The following TLCD2 variants were observed in gnomAD, a reference collection of about 807,000 sequenced individuals.
The protein encoded by TLCD2 is TLC domain-containing protein 2.
TLCD2 carries 12 observed loss-of-function variants against 14.0 expected under a neutral mutation model. The observed-to-expected ratio is 0.86, with a 90% confidence interval of 0.55 to 1.39. The LOEUF is 1.39. TLCD2 is among the 40% of genes most tolerant of loss of function. TLCD2 has a pLI of 0.00. For missense variants in TLCD2, 360 were observed against 346.8 expected (o/e 1.04, Z -0.30); for synonymous variants, 166 against 156.5 (o/e 1.06, Z -0.45).
chr17:1,709,717 T>TG, intron 2 of TLCD2, 87 bp downstream of exon 2: 1 of 974,512 alleles, frequency 1.0e-6, no homozygotes, highest in Non-Finnish European at 1.4e-6. Flanking sequence ...TTAACCCCCA[T>TG]GGGGGCGGGG....
rs1411407834 is a variant in TLCD2, at chr17:1,707,779, C to G, written c.786G>C (p.Leu262=). Residue 262 remains leucine, a synonymous_variant, in exon 4 of 4, where the codon CTG becomes CTC. Transcript: ENST00000330676. The stretch of plus-strand genomic sequence containing the variant: ...GGCCCATGGCTTCTCTCTAGTCTTT[C>G]AGGCTGAGAGTCGAACTGTTGCTGG... ...PVTSNSSTLS[L]KD 1 of 1,491,248 alleles carries G rather than the reference C, an allele frequency of 6.7e-7. No individual in the cohort carries two copies. Among genetic ancestry groups the G allele is most frequent in the Non-Finnish European group, 8.9e-7 (1 of 1,122,078 alleles). The allele number at this position is 1,491,248 out of a possible 1,614,324, so 92.4% of individuals were successfully genotyped here.
At position 1,707,439 on chromosome 17, in the gene TLCD2, G is replaced by A. The variant is rs1178582664; in HGVS notation, c.*331C>T. The A allele has an allele frequency of 3.3e-6, 1 of 306,278 alleles. No homozygotes were observed. The highest frequency in any genetic ancestry group is 6.0e-6 in the Non-Finnish European group (1 of 165,380). 19.0% of individuals were successfully genotyped at this position (306,278 alleles called of 1,614,324 possible). A position where few individuals can be genotyped will look rare whatever the true frequency, so the allele number is the denominator to read the frequency against. On this transcript the variant is annotated 3_prime_UTR_variant, in exon 4 of 4. Coordinates refer to ENST00000330676, the MANE Select transcript of TLCD2 (RefSeq NM_001164407.2). ...CCATCTGTCCCTGGGTTAAAGCAAA[G>A]AGCTTCTGTCTCCACTGGCAGTTTC... is the stretch of plus-strand genomic sequence containing the variant.
chr17:1,709,264 C>A lies in TLCD2; in HGVS notation c.342+235G>T, dbSNP rs1338616987. Among the ~76,000 whole-genome samples, 9 of 151,854 alleles carry A rather than the reference C, an allele frequency of 5.9e-5. No homozygotes were observed. In the East Asian group the frequency reaches 1.7e-3, roughly 29 times the overall value. On this transcript the variant is annotated intron_variant, in intron 3 of 3. Coordinates refer to ENST00000330676, the MANE Select transcript of TLCD2 (RefSeq NM_001164407.2). ...AATTACTTGGGCGTGGTGGCGGGTG[C>A]CTGTAATCCCAGCTACGTGGGAGGC... is the stretch of plus-strand genomic sequence containing the variant.
In TLCD2 at chr17:1,706,769, G is replaced by A. The variant is rs1312086470; in HGVS notation, c.*1001C>T. On this transcript the variant is annotated 3_prime_UTR_variant, in exon 4 of 4. Transcript: ENST00000330676. Reference sequence around the variant, plus strand: ...ATCCTGGGCAACAGAGCAAGAACTTGTCTCAAAAAAAAAAAAAAAAAAAGA... The same window carrying A: ...ATCCTGGGCAACAGAGCAAGAACTTATCTCAAAAAAAAAAAAAAAAAAAGA... The A allele has an allele frequency of 2.3e-5, 2 of 86,988 alleles. No individual in the cohort carries two copies. The highest frequency in any genetic ancestry group is 9.0e-5 in the African/African-American group (2 of 22,258). 5.4% of individuals were successfully genotyped at this position (86,988 alleles called of 1,614,324 possible).
At chr17:1,709,434 G>A (rs1914146466) in intron 3 of TLCD2, 65 bp downstream of exon 3, 1 of 918,108 alleles carries the variant, frequency 1.1e-6, no homozygotes, top group Admixed American at 2.3e-5. Flanking sequence ...GAGAGACTGG[G>A]AACCTCGGGC....
Position 1,709,580 on chromosome 17 carries a change from A to C in TLCD2, c.261T>G (p.Gly87=). 6.5e-7 allele frequency: 1 copy of C among 1,536,986 alleles called. No homozygotes were observed. Among genetic ancestry groups the C allele is most frequent in the Non-Finnish European group, 8.7e-7 (1 of 1,146,826 alleles). The part of the protein sequence containing the change: ...WALVLVAVSV[G]YFLADGADLL... Reference sequence around the variant, plus strand: ...GGTCAGCTCCGTCTGCCAGGAAGTAACCTGTGGGCATGGGGGTAGGGGTTA... The same window carrying C: ...GGTCAGCTCCGTCTGCCAGGAAGTACCCTGTGGGCATGGGGGTAGGGGTTA... Residue 87 remains glycine (G), a splice_region_variant and synonymous_variant, in exon 3 of 4, where the codon GGT becomes GGG. Coordinates refer to ENST00000330676, the MANE Select transcript of TLCD2 (RefSeq NM_001164407.2).
rs376457485 is a variant in TLCD2 at position 1,703,701 on chromosome 17, G to C, written c.*4069C>G. ...GACACTATCAAGTATTACCAAAAGG[G>C]ACACTCACTCAAACCATCATGAATG... On this transcript the variant is annotated 3_prime_UTR_variant, in exon 4 of 4. Coordinates refer to ENST00000330676, the MANE Select transcript of TLCD2 (RefSeq NM_001164407.2). 1.9e-4 allele frequency: 29 copies of C among 152,194 alleles called. No individual in the cohort carries two copies. Among genetic ancestry groups the C allele is most frequent in the African/African-American group, 6.0e-4 (25 of 41,512 alleles). The allele number at this position is 152,194 out of a possible 1,614,324, so 9.4% of individuals were successfully genotyped here. A position where few individuals can be genotyped will look rare whatever the true frequency, so the allele number is the denominator to read the frequency against.
rs896093523 is a variant in TLCD2, at chr17:1,709,501, C to T, written c.340G>A (p.Val114Met). ...KTWDLLCHHLVVVSCLSTAVL... is the reference protein window; with the variant it reads ...KTWDLLCHHLMVVSCLSTAVL... ...GGCTTCTGCCCTCAGAGTCTCACCA[C>T]CAAATGATGACAGAGAAGATCCCAG... The change falls in exon 3 of 4, where the codon GTG (valine) becomes ATG (methionine). Residue 114 changes from valine to methionine, a missense_variant and splice_region_variant. Coordinates refer to ENST00000330676, the MANE Select transcript of TLCD2 (RefSeq NM_001164407.2). 8.5e-6 allele frequency: 13 copies of T among 1,536,688 alleles called. No individual in the cohort carries two copies. Among genetic ancestry groups the T allele is most frequent in the Non-Finnish European group, 1.1e-5 (13 of 1,146,730 alleles).
chr17:1,703,365 G>GTTC lies in TLCD2; in HGVS notation c.*4402_*4404dup, dbSNP rs1567703352. On this transcript the variant is annotated 3_prime_UTR_variant, in exon 4 of 4. Transcript: ENST00000330676. ...ACAGCCATGTTTCCCTAATGGTCAAGTTCTTGGGCAGCCTTCATAGACACT... is the reference window on the plus strand; with the variant it reads ...ACAGCCATGTTTCCCTAATGGTCAAGTTCTTCTTGGGCAGCCTTCATAGACACT... The GTTC allele has an allele frequency of 6.6e-6, 1 of 152,170 alleles. No homozygotes were observed. Among genetic ancestry groups the GTTC allele is most frequent in the Non-Finnish European group, 1.5e-5 (1 of 68,040 alleles). 9.4% of individuals were successfully genotyped at this position (152,170 alleles called of 1,614,324 possible). A position where few individuals can be genotyped will look rare whatever the true frequency, so the allele number is the denominator to read the frequency against.
chr17:1,707,799 T>G lies in TLCD2; in HGVS notation c.766A>C (p.Asn256His). The G allele has an allele frequency of 6.6e-7, 1 of 1,509,436 alleles. No individual in the cohort carries two copies. Among genetic ancestry groups the G allele is most frequent in the South Asian group, 1.3e-5 (1 of 79,714 alleles). 93.5% of individuals were successfully genotyped at this position (1,509,436 alleles called of 1,614,324 possible). ...TCTTTCAGGCTGAGAGTCGAACTGT[T>G]GCTGGTGACAGGTCCATTGTCACGA... is the stretch of plus-strand genomic sequence containing the variant. ...TRRDNGPVTS[N>H]SSTLSLKD is the part of the protein sequence containing the mutation. The change falls in exon 4 of 4, where the codon AAC becomes CAC. Residue 256 changes from asparagine to histidine, a missense_variant. By Grantham distance (68) the Asn-to-His change is moderately conservative. Coordinates refer to ENST00000330676, the MANE Select transcript of TLCD2 (RefSeq NM_001164407.2).
chr17:1,709,259 G>A (rs1270880864), intron 3 of TLCD2, among the ~76,000 whole-genome samples: 4 of 151,880 alleles, frequency 2.6e-5, no homozygotes, highest in South Asian at 2.1e-4. Flanking sequence ...GCGTGGTGGC[G>A]GGTGCCTGTA....
chr17:1,709,373 G>A (rs1286540586), intron 3 of TLCD2, 126 bp downstream of exon 3: 6 of 725,422 alleles, frequency 8.3e-6, no homozygotes, highest in South Asian at 2.0e-5. Flanking sequence ...CTGGGTGACA[G>A]AGTGAGACTC....
rs954393778 is a variant in TLCD2, at chr17:1,710,088, G to A, written c.155C>T (p.Ser52Leu). 7 of 1,533,230 alleles carry A rather than the reference G, an allele frequency of 4.6e-6. No individual in the cohort carries two copies. Among genetic ancestry groups the A allele is most frequent in the Admixed American group, 2.0e-5 (1 of 50,952 alleles). The allele number at this position is 1,533,230 out of a possible 1,614,324, so 95.0% of individuals were successfully genotyped here. A position where few individuals can be genotyped will look rare whatever the true frequency, so the allele number is the denominator to read the frequency against. ...LCVSLAHSLL[S>L]GTGALLGLSL... ...GCACCCGAGCAGCGCCCCGGTCCCC[G>A]AGAGCAGGCTGTGCGCCAGGGAGAC... The change falls in exon 1 of 4, where the codon TCG becomes TTG. Residue 52 changes from serine to leucine, a missense_variant. Physicochemically the swap from Ser to Leu is moderately radical, Grantham distance 145 (BLOSUM62 -2). Transcript: ENST00000330676. This position sits in a 1 kb window ranked among gnomAD's most constrained non-coding sequence, Gnocchi z 6.1.
In TLCD2 at chr17:1,710,326, C is replaced by T; in HGVS notation, c.-84G>A. 1 of 1,310,082 alleles carries T rather than the reference C, an allele frequency of 7.6e-7. No individual in the cohort carries two copies. Among genetic ancestry groups the T allele is most frequent in the Non-Finnish European group, 9.9e-7 (1 of 1,007,106 alleles). The allele number at this position is 1,310,082 out of a possible 1,614,324, so 81.2% of individuals were successfully genotyped here. A position where few individuals can be genotyped will look rare whatever the true frequency, so the allele number is the denominator to read the frequency against. ...TCGGCCGGGACTGGGAACCCGTTTC[C>T]CGGCAGGGCTGGGGCCCCGGCTCCC... is the stretch of plus-strand genomic sequence containing the variant. On this transcript the variant is annotated 5_prime_UTR_variant, in exon 1 of 4. Transcript: ENST00000330676. The surrounding 1 kb of genome is among the most constrained non-coding windows in gnomAD (Gnocchi z 6.1).
rs1021197030 is a variant in TLCD2 at position 1,708,249 on chromosome 17, GA to G, written c.343-28del. 11 of 1,479,054 alleles carry G rather than the reference GA, an allele frequency of 7.4e-6. No individual in the cohort carries two copies. In the African/African-American group the frequency reaches 1.4e-4, roughly 19 times the overall value. 91.6% of individuals were successfully genotyped at this position (1,479,054 alleles called of 1,614,324 possible). On this transcript the variant is annotated intron_variant, in intron 3 of 3. Coordinates refer to ENST00000330676, the MANE Select transcript of TLCD2 (RefSeq NM_001164407.2). Reference sequence around the variant, plus strand: ...TGGGAGCCAGGGTCACAGGTCAGAGGAACCCCATGACCTGCCAGCCATCATG... The same window carrying G: ...TGGGAGCCAGGGTCACAGGTCAGAGGACCCCATGACCTGCCAGCCATCATG...
rs1423950545 is a variant in TLCD2, at chr17:1,706,412, C to T, written c.*1358G>A. ...CTTCTGTAATTCTAGACTTCAGTGC[C>T]GTCCTAAGAAGACAAACCAGCCCTG... On this transcript the variant is annotated 3_prime_UTR_variant, in exon 4 of 4. Coordinates refer to ENST00000330676, the MANE Select transcript of TLCD2 (RefSeq NM_001164407.2). 2.6e-5 allele frequency: 4 copies of T among 152,276 alleles called. No individual in the cohort carries two copies. The highest frequency in any genetic ancestry group is 2.1e-4 in the South Asian group (1 of 4,820). The allele number at this position is 152,276 out of a possible 1,614,324, so 9.4% of individuals were successfully genotyped here. A position where few individuals can be genotyped will look rare whatever the true frequency, so the allele number is the denominator to read the frequency against.
At chr17:1,708,478 G>A (rs201545874) in intron 3 of TLCD2, among the ~76,000 whole-genome samples, 3 of 75,640 alleles carry the variant, frequency 4.0e-5, no homozygotes, top group Non-Finnish European at 8.7e-5. Flanking sequence ...GGGCTTGCTT[G>A]CTTTTTTTTT....
chr17:1,702,882 A>G lies in TLCD2; in HGVS notation c.*4888T>C, dbSNP rs1206461045. 6.6e-6 allele frequency: 1 copy of G among 152,206 alleles called. No individual in the cohort carries two copies. The highest frequency in any genetic ancestry group is 1.5e-5 in the Non-Finnish European group (1 of 68,040). 9.4% of individuals were successfully genotyped at this position (152,206 alleles called of 1,614,324 possible). A position where few individuals can be genotyped will look rare whatever the true frequency, so the allele number is the denominator to read the frequency against. On this transcript the variant is annotated 3_prime_UTR_variant, in exon 4 of 4. Coordinates refer to ENST00000330676, the MANE Select transcript of TLCD2 (RefSeq NM_001164407.2). ...TTTCAAGGCCATAAAATATCAATGTATCCCATCCAGAAAAGCCCCTTCCCT... is the reference window on the plus strand; with the variant it reads ...TTTCAAGGCCATAAAATATCAATGTGTCCCATCCAGAAAAGCCCCTTCCCT...
Position 1,705,667 on chromosome 17 carries a change from G to T in TLCD2, c.*2103C>A, listed in dbSNP as rs1023949891. The T allele has an allele frequency of 1.3e-5, 2 of 152,182 alleles. No homozygotes were observed. The highest frequency in any genetic ancestry group is 2.9e-5 in the Non-Finnish European group (2 of 68,058). 9.4% of individuals were successfully genotyped at this position (152,182 alleles called of 1,614,324 possible). On this transcript the variant is annotated 3_prime_UTR_variant, in exon 4 of 4. Coordinates refer to ENST00000330676, the MANE Select transcript of TLCD2 (RefSeq NM_001164407.2). Reference sequence around the variant, plus strand: ...TCTATCACTCAATCTATGTATGTCTGTCTCTGTCATTCTTCGTATCTTTCT... The same window carrying T: ...TCTATCACTCAATCTATGTATGTCTTTCTCTGTCATTCTTCGTATCTTTCT...
Sources: allele counts gnomAD v4.1 joint callset (sites outside exome capture counted in the v4.1 genomes callset), GRCh38; gene constraint gnomAD v4.1.1; non-coding constraint Gnocchi (gnomAD v3.1); transcripts MANE v1.5; gene names NCBI Gene and HGNC (gene_info 2026-07-23, HGNC 2026-07-21).